NPY: variants seen among roughly 807,000 people sequenced by gnomAD.
NPY encodes pro-neuropeptide Y.
Under a neutral mutation model 13.2 loss-of-function variants are expected in NPY, and 11 were observed. That is an observed-to-expected ratio of 0.83 (90% CI 0.52 to 1.38). The LOEUF is 1.38. Ranked by LOEUF, NPY falls within the 40% of genes most tolerant of loss-of-function variation. The pLI is 0.00. For synonymous variants in NPY, 51 were observed against 55.6 expected (o/e 0.92, Z 0.37); for missense variants, 109 against 125.1 (o/e 0.87, Z 0.61).
chr7:24,288,262 A>G (rs6977736), intron 2 of NPY, among the ~76,000 whole-genome samples: 147,718 of 152,268 alleles, frequency 0.97, 71,676 homozygotes, highest in East Asian at 1. Flanking sequence ...ATAAGCAGAC[A>G]CCTATAGTCT....
Position 24,289,487 on chromosome 7 carries a change from T to C in NPY, c.189-12T>C. ...ATTCCAAACTTGCTTTAAAAGACTT[T>C]TTTTTTTCCAGATATGGAAAACGAT... is the stretch of plus-strand genomic sequence containing the variant. On this transcript the variant is annotated splice_polypyrimidine_tract_variant and intron_variant, in intron 2 of 3. Coordinates refer to ENST00000242152, the MANE Select transcript of NPY (RefSeq NM_000905.4). 2 of 1,592,604 alleles carry C rather than the reference T, an allele frequency of 1.3e-6. No individual in the cohort carries two copies. The highest frequency in any genetic ancestry group is 1.7e-6 in the Non-Finnish European group (2 of 1,170,250).
rs373952800 is a variant in NPY, at chr7:24,285,684, A to G, written c.188+256A>G. ...GGTTCCCCAGGCTGGTAGGCTGGCA[A>G]TCTCCTCTCACTCACCTCTTATGGT... On this transcript the variant is annotated intron_variant, in intron 2 of 3. Transcript: ENST00000242152. The surrounding 1 kb of genome is among the most constrained non-coding windows in gnomAD (Gnocchi z 4.9). Among the ~76,000 whole-genome samples, 13 of 152,000 alleles carry G rather than the reference A, an allele frequency of 8.6e-5. No homozygotes were observed. The highest frequency in any genetic ancestry group is 1.8e-4 in the Non-Finnish European group (12 of 67,992).
At position 24,285,295 on chromosome 7, in the gene NPY, C is replaced by T; in HGVS notation, c.55C>T (p.Leu19Phe). 1 of 1,614,102 alleles carries T rather than the reference C, an allele frequency of 6.2e-7. No homozygotes were observed. Among genetic ancestry groups the T allele is most frequent in the East Asian group, 2.2e-5 (1 of 44,866 alleles). Residue 19 changes from leucine to phenylalanine, a missense_variant, in exon 2 of 4, where the codon CTC becomes TTC. By Grantham distance (22) the Leu-to-Phe change is conservative (BLOSUM62 0). Transcript: ENST00000242152. This position sits in a 1 kb window ranked among gnomAD's most constrained non-coding sequence, Gnocchi z 4.9. ...LSGLTLALSL[L>F]VCLGALAEAY... ...CGGACTGACCCTCGCCCTGTCCCTG[C>T]TCGTGTGCCTGGGTGCGCTGGCCGA... is the stretch of plus-strand genomic sequence containing the variant.
Position 24,285,214 on chromosome 7 carries a change from C to T in NPY, c.1-27C>T. On this transcript the variant is annotated intron_variant, in intron 1 of 3. Coordinates refer to ENST00000242152, the MANE Select transcript of NPY (RefSeq NM_000905.4). The surrounding 1 kb of genome is among the most constrained non-coding windows in gnomAD (Gnocchi z 4.9). ...CGTGGGTGCTCTGAATCCCCAAGCC[C>T]GTCCGTTGAGCCTTCTGTGCCTGCA... 1 of 1,613,182 alleles carries T rather than the reference C, an allele frequency of 6.2e-7. No individual in the cohort carries two copies. The highest frequency in any genetic ancestry group is 8.5e-7 in the Non-Finnish European group (1 of 1,179,352).
At chr7:24,289,650 G>T in intron 3 of NPY, 71 bp downstream of exon 3, 1 of 1,209,964 alleles carries the variant, frequency 8.3e-7, no homozygotes, top group Non-Finnish European at 1.2e-6. Flanking sequence ...GTCAGAGACA[G>T]GTGCCTGGTG....
In NPY at chr7:24,285,860, A is replaced by G. The variant is rs1005357881; in HGVS notation, c.188+432A>G. ...AACGACCACCAAAGAAAACCAAACC[A>G]AGGAGTAAACTGCAGGGTTGCCACA... On this transcript the variant is annotated intron_variant, in intron 2 of 3. Coordinates refer to ENST00000242152, the MANE Select transcript of NPY (RefSeq NM_000905.4). This position sits in a 1 kb window ranked among gnomAD's most constrained non-coding sequence, Gnocchi z 4.9. 2.0e-5 allele frequency among the ~76,000 whole-genome samples: 3 copies of G among 152,204 alleles called. No homozygotes were observed. The highest frequency in any genetic ancestry group is 7.2e-5 in the African/African-American group (3 of 41,442).
At chr7:24,284,500 C>G (rs1019870452) in intron 1 of NPY, among the ~76,000 whole-genome samples, 2 of 152,212 alleles carry the variant, frequency 1.3e-5, no homozygotes, top group Non-Finnish European at 2.9e-5. Flanking sequence ...GCCCTTCTCC[C>G]GGGCCCTTCC....
At position 24,285,058 on chromosome 7, in the gene NPY, G is replaced by A. The variant is rs1171750594; in HGVS notation, c.1-183G>A. On this transcript the variant is annotated intron_variant, in intron 1 of 3. Coordinates refer to ENST00000242152, the MANE Select transcript of NPY (RefSeq NM_000905.4). This position sits in a 1 kb window ranked among gnomAD's most constrained non-coding sequence, Gnocchi z 4.9. ...GCAGAGGGGCAGGTCCCGACCGGACGGCGCCCGGAGCCCGCAAGGTGGTGC... is the reference window on the plus strand; with the variant it reads ...GCAGAGGGGCAGGTCCCGACCGGACAGCGCCCGGAGCCCGCAAGGTGGTGC... The A allele has an allele frequency of 4.7e-6, 3 of 635,464 alleles. No individual in the cohort carries two copies. The highest frequency in any genetic ancestry group is 8.2e-6 in the Non-Finnish European group (3 of 366,298). The allele number at this position is 635,464 out of a possible 1,614,324, so 39.4% of individuals were successfully genotyped here. A position where few individuals can be genotyped will look rare whatever the true frequency, so the allele number is the denominator to read the frequency against.
At position 24,284,904 on chromosome 7, in the gene NPY, T is replaced by C. The variant is rs3025122; in HGVS notation, c.1-337T>C. 1,143 of 400,812 alleles carry C rather than the reference T, an allele frequency of 2.9e-3. 13 individuals are homozygous for C. The highest frequency in any genetic ancestry group is 0.015 in the East Asian group (269 of 17,830). The allele number at this position is 400,812 out of a possible 1,614,324, so 24.8% of individuals were successfully genotyped here. On this transcript the variant is annotated intron_variant, in intron 1 of 3. Transcript: ENST00000242152. ...GAGTTTGGGCAAGAAGGGAGAAAAG[T>C]GACCCAGCAGGAAGAACTTCCAATT...
chr7:24,289,813 C>T (rs1787535916), intron 3 of NPY, among the ~76,000 whole-genome samples: 1 of 152,074 alleles, frequency 6.6e-6, no homozygotes. Flanking sequence ...TTTGGTGCTC[C>T]TTTGACGATT....
At position 24,285,441 on chromosome 7, in the gene NPY, G is replaced by C. The variant is rs769952184; in HGVS notation, c.188+13G>C. On this transcript the variant is annotated intron_variant, in intron 2 of 3. Coordinates refer to ENST00000242152, the MANE Select transcript of NPY (RefSeq NM_000905.4). This position sits in a 1 kb window ranked among gnomAD's most constrained non-coding sequence, Gnocchi z 4.9. Reference sequence around the variant, plus strand: ...TCACCAGGCAGAGGTGGGTGGGACCGCGGGACCGATTCCGGGAGCGCCAGT... The same window carrying C: ...TCACCAGGCAGAGGTGGGTGGGACCCCGGGACCGATTCCGGGAGCGCCAGT... The C allele has an allele frequency of 6.2e-7, 1 of 1,604,862 alleles. No individual in the cohort carries two copies. The highest frequency in any genetic ancestry group is 1.1e-5 in the South Asian group (1 of 90,650).
At chr7:24,291,219 G>A (rs189738099) in intron 3 of NPY, among the ~76,000 whole-genome samples, 126 of 152,140 alleles carry the variant, frequency 8.3e-4, no homozygotes, top group African/African-American at 2.9e-3. Flanking sequence ...GCCTATGAGT[G>A]CTATTTTATT....
rs1787628424 is a variant in NPY, at chr7:24,291,813, T to G, written c.*126T>G. ...TGCTGAATTCTGCAATGTTTTCCTT[T>G]GTCATCATTGTATATATGTGTGTTT... On this transcript the variant is annotated 3_prime_UTR_variant, in exon 4 of 4. Transcript: ENST00000242152. 9.9e-7 allele frequency: 1 copy of G among 1,009,538 alleles called. No individual in the cohort carries two copies. The highest frequency in any genetic ancestry group is 1.6e-5 in the African/African-American group (1 of 62,922). The allele number at this position is 1,009,538 out of a possible 1,614,324, so 62.5% of individuals were successfully genotyped here.
At chr7:24,289,369 T>C (rs1286196550) in intron 2 of NPY, 130 bp from the exon 3 acceptor site, 2 of 490,496 alleles carry the variant, frequency 4.1e-6, no homozygotes, top group African/African-American at 4.3e-5. Context: ...TACACCTAGC[T>C]TGCTTGTTAC....
At chr7:24,287,315 T>C (rs913982060) in intron 2 of NPY, among the ~76,000 whole-genome samples, 2 of 152,220 alleles carry the variant, frequency 1.3e-5, no homozygotes, top group African/African-American at 4.8e-5. Context: ...AGGCTCTTAA[T>C]GTACGTCCAT....
At position 24,285,322 on chromosome 7, in the gene NPY, G is replaced by A; in HGVS notation, c.82G>A (p.Ala28Thr). 2 of 1,614,044 alleles carry A rather than the reference G, an allele frequency of 1.2e-6. No homozygotes were observed. Among genetic ancestry groups the A allele is most frequent in the Non-Finnish European group, 1.7e-6 (2 of 1,180,030 alleles). The change falls in exon 2 of 4, where the codon GCG becomes ACG. Residue 28 changes from alanine to threonine, a missense_variant. Ala to Thr is a moderately conservative substitution (Grantham distance 58). Coordinates refer to ENST00000242152, the MANE Select transcript of NPY (RefSeq NM_000905.4). The surrounding 1 kb of genome is among the most constrained non-coding windows in gnomAD (Gnocchi z 4.9). ...CGTGTGCCTGGGTGCGCTGGCCGAG[G>A]CGTACCCCTCCAAGCCGGACAACCC... Reference protein sequence around the residue: ...LLVCLGALAEAYPSKPDNPGE... With the variant: ...LLVCLGALAETYPSKPDNPGE...
intron 2 of NPY, among the ~76,000 whole-genome samples, chr7:24,289,136 A>C (rs1302072860): frequency 6.6e-6 from 1 of 152,210 alleles, no homozygotes; most frequent in Non-Finnish European, 1.5e-5. Flanking sequence ...GGAAACATTT[A>C]CAATCATGCT....
chr7:24,291,627 G>C (rs746883952), intron 3 of NPY, 36 bp from the exon 4 acceptor site: 3 of 1,613,490 alleles, frequency 1.9e-6, no homozygotes, highest in Non-Finnish European at 2.5e-6. Flanking sequence ...AAGTTGGGCA[G>C]CTTTCCTTAC....
chr7:24,288,207 A>G (rs1787462814), intron 2 of NPY, among the ~76,000 whole-genome samples: 1 of 152,194 alleles, frequency 6.6e-6, no homozygotes, highest in African/African-American at 2.4e-5. Context: ...GTTGCCCTAG[A>G]CTTTTACGAT....
Sources: allele counts gnomAD v4.1 joint callset (sites outside exome capture counted in the v4.1 genomes callset), GRCh38; gene constraint gnomAD v4.1.1; non-coding constraint Gnocchi (gnomAD v3.1); transcripts MANE v1.5; gene names NCBI Gene and HGNC (gene_info 2026-07-23, HGNC 2026-07-21).